Variants in PTPRQ observed in about 807,000 individuals in gnomAD.
The protein encoded by PTPRQ is protein tyrosine phosphatase receptor type Q, also known as phosphatidylinositol phosphatase PTPRQ.
PTPRQ carries 199 observed loss-of-function variants against 246.0 expected under a neutral mutation model. The observed-to-expected ratio is 0.81, with a 90% CI of 0.72 to 0.91. The LOEUF is 0.91. Among genes scored for constraint, PTPRQ ranks in the 40% least tolerant of loss-of-function variants. PTPRQ has a pLI of 0.00. For synonymous variants in PTPRQ, 869 were observed against 853.2 expected (o/e 1.02, Z -0.32); for missense variants, 2,624 against 2,528.4 (o/e 1.04, Z -0.81).
At chr12:80,581,997 T>C (rs991447480) in intron 25 of PTPRQ, among the ~76,000 whole-genome samples, 1 of 152,174 alleles carries the variant, frequency 6.6e-6, no homozygotes, top group African/African-American at 2.4e-5. Context: ...TAGCAATGTC[T>C]ACCAATGCTA....
chr12:80,449,137 A>AT (rs2120404201), intron 3 of PTPRQ, among the ~76,000 whole-genome samples: 1 of 151,264 alleles, frequency 6.6e-6, no homozygotes, highest in Non-Finnish European at 1.5e-5. Context: ...GATACTGAGC[A>AT]TTTTTTCATG....
intron 39 of PTPRQ, among the ~76,000 whole-genome samples, chr12:80,659,502 A>T (rs1010636620): frequency 6.6e-6 from 1 of 152,104 alleles, no homozygotes; most frequent in Non-Finnish European, 1.5e-5. Flanking sequence ...AGTAGATACA[A>T]ATCAACAGCT....
At chr12:80,480,897 A>G (rs1259004963) in intron 8 of PTPRQ, among the ~76,000 whole-genome samples, 1 of 152,308 alleles carries the variant, frequency 6.6e-6, no homozygotes, top group East Asian at 1.9e-4. Context: ...TTACCAACCA[A>G]AAAGAGTCCA....
At chr12:80,481,142 C>G (rs574342581) in intron 8 of PTPRQ, among the ~76,000 whole-genome samples, 4 of 152,076 alleles carry the variant, frequency 2.6e-5, no homozygotes, top group African/African-American at 7.2e-5. Context: ...ACTGGCAAAA[C>G]GAATCCAGCA....
chr12:80,519,728 T>C (rs959306755), intron 17 of PTPRQ, among the ~76,000 whole-genome samples: 8 of 152,142 alleles, frequency 5.3e-5, no homozygotes, highest in African/African-American at 1.9e-4. Flanking sequence ...GTATTACAAT[T>C]AGGTCCTATA....
chr12:80,645,480 A>C (rs1900039874), intron 35 of PTPRQ, among the ~76,000 whole-genome samples: 1 of 151,642 alleles, frequency 6.6e-6, no homozygotes. Flanking sequence ...GAATTCATCC[A>C]CAATTTTATA....
intron 25 of PTPRQ, among the ~76,000 whole-genome samples, chr12:80,557,439 A>G (rs933718125): frequency 4.6e-5 from 7 of 151,182 alleles, no homozygotes; most frequent in African/African-American, 1.7e-4. Context: ...TGTCCAGAAA[A>G]GTATCTGGCA....
intron 26 of PTPRQ, among the ~76,000 whole-genome samples, chr12:80,601,826 T>C (rs1898153183): frequency 1.3e-5 from 2 of 151,790 alleles, no homozygotes; most frequent in South Asian, 4.1e-4. Context: ...ATAGCTCTCA[T>C]CTGTTATGTA....
At chr12:80,446,226 G>GT (rs530783702) in intron 3 of PTPRQ, among the ~76,000 whole-genome samples, 14,853 of 142,614 alleles carry the variant, frequency 0.1, 1,507 homozygotes, top group African/African-American at 0.27. Context: ...GGGAGCTCAA[G>GT]TTTTTTTTTT....
At chr12:80,549,427 T>C (rs1896402283) in intron 24 of PTPRQ, 38 bp from the exon 25 acceptor site, 2 of 1,509,104 alleles carry the variant, frequency 1.3e-6, no homozygotes, top group African/African-American at 1.4e-5. Context: ...CTTACATATG[T>C]ATACACTTTA....
At chr12:80,459,075 AG>A (rs1893065589) in intron 4 of PTPRQ, among the ~76,000 whole-genome samples, 1 of 152,164 alleles carries the variant, frequency 6.6e-6, no homozygotes, top group South Asian at 2.1e-4. Flanking sequence ...TGCATGTATT[AG>A]CCCAGTTATC....
chr12:80,554,236 A>G (rs898730827), intron 25 of PTPRQ, among the ~76,000 whole-genome samples: 3 of 152,188 alleles, frequency 2.0e-5, no homozygotes, highest in African/African-American at 7.2e-5. Context: ...TAACACAGGA[A>G]ATGATAAATG....
intron 35 of PTPRQ, among the ~76,000 whole-genome samples, chr12:80,639,674 TA>T (rs1463950189): frequency 6.6e-6 from 1 of 152,204 alleles, no homozygotes; most frequent in Non-Finnish European, 1.5e-5. Context: ...GATTACTGCT[TA>T]AAAAAATTCT....
At chr12:80,502,273 G>A (rs900944163) in intron 14 of PTPRQ, among the ~76,000 whole-genome samples, 5 of 151,860 alleles carry the variant, frequency 3.3e-5, no homozygotes, top group Admixed American at 6.6e-5. Flanking sequence ...GCTATGGAAT[G>A]AGAAGCAAGT....
chr12:80,507,192 C>T (rs573235642), intron 16 of PTPRQ, among the ~76,000 whole-genome samples: 77 of 147,752 alleles, frequency 5.2e-4, no homozygotes, highest in African/African-American at 1.4e-3. Context: ...TTAAACATAC[C>T]TTTCCCTAAC....
Position 80,481,709 on chromosome 12 carries a change from C to T in PTPRQ, c.1187-2724C>T, listed in dbSNP as rs534040252. ...ATACAAAACCAATGTACAAAAATCA[C>T]AAGCATTCTTATACACCAACAACAG... is the stretch of plus-strand genomic sequence containing the variant. On this transcript the variant is annotated intron_variant, in intron 8 of 44. Coordinates refer to ENST00000644991, the MANE Select transcript of PTPRQ (RefSeq NM_001145026.2). 8.4e-3 allele frequency among the ~76,000 whole-genome samples: 1,280 copies of T among 152,122 alleles called. 18 individuals carry two copies. Among genetic ancestry groups the T allele is most frequent in the African/African-American group, 0.028 (1,176 of 41,476 alleles).
chr12:80,493,976 G>A (rs949705813), intron 10 of PTPRQ, among the ~76,000 whole-genome samples: 6 of 151,912 alleles, frequency 3.9e-5, no homozygotes, highest in Non-Finnish European at 8.8e-5. Flanking sequence ...AATGTCATAA[G>A]TGGCAAATTA....
At chr12:80,444,507 C>A in intron 1 of PTPRQ, 108 bp downstream of exon 1, 1 of 746,008 alleles carries the variant, frequency 1.3e-6, no homozygotes, top group Non-Finnish European at 2.3e-6. Context: ...GATAGAAATG[C>A]TGACTTAGGC....
Position 80,594,483 on chromosome 12 carries a change from C to T in PTPRQ, c.4609+6031C>T, listed in dbSNP as rs118079863. ...AATCTTCTAAATTAGTTACACAGGA[C>T]TCCCTAATGGGTAATTCAAGACAAC... On this transcript the variant is annotated intron_variant, in intron 26 of 44. Transcript: ENST00000644991. Among the ~76,000 whole-genome samples the T allele has an allele frequency of 8.1e-3, 1,227 of 152,238 alleles. 18 individuals are homozygous for T. Among genetic ancestry groups the T allele is most frequent in the South Asian group, 0.04 (192 of 4,822 alleles).
Sources: gnomAD v4.1 joint callset for allele counts (sites outside exome capture counted in the v4.1 genomes callset) on GRCh38, gnomAD v4.1.1 for gene constraint, MANE v1.5 for transcripts, NCBI Gene and HGNC (gene_info 2026-07-23, HGNC 2026-07-21) for gene names.